Variants in LRP1B observed in about 807,000 individuals in gnomAD.
LRP1B encodes the protein LDL receptor related protein 1B.
Under a neutral mutation model 556.6 loss-of-function variants are expected in LRP1B, and 217 were observed. That is an observed-to-expected ratio of 0.39 (90% CI 0.35 to 0.44). The LOEUF is 0.44. Ranked by LOEUF, LRP1B falls within the 20% of genes least tolerant of loss-of-function variation. The pLI is 1.00. For synonymous variants in LRP1B, 2,047 were observed against 1,865.8 expected (o/e 1.10, Z -2.50); for missense variants, 5,053 against 5,620.8 (o/e 0.90, Z 3.23).
Position 141,926,929 on chromosome 2 carries a change from C to T in LRP1B, c.83-116528G>A, listed in dbSNP as rs548369271. On this transcript the variant is annotated intron_variant, in intron 1 of 90. Transcript: ENST00000389484. ...ATAAAGAATGTATGTACATATGATACAAAATTAGGTTCAGAATAATGGTCA... is the reference window on the plus strand; with the variant it reads ...ATAAAGAATGTATGTACATATGATATAAAATTAGGTTCAGAATAATGGTCA... 1.6e-3 allele frequency among the ~76,000 whole-genome samples: 249 copies of T among 152,082 alleles called. 2 individuals are homozygous for T. Among genetic ancestry groups the T allele is most frequent in the Non-Finnish European group, 2.8e-3 (192 of 67,946 alleles).
chr2:141,886,310 A>AT (rs1699109295), intron 1 of LRP1B, among the ~76,000 whole-genome samples: 1 of 152,176 alleles, frequency 6.6e-6, no homozygotes, highest in South Asian at 2.1e-4. Flanking sequence ...CAGAAAAAAA[A>AT]GCCAAACATG....
chr2:140,741,364 A>T (rs1302521345), intron 35 of LRP1B, among the ~76,000 whole-genome samples: 3 of 152,192 alleles, frequency 2.0e-5, no homozygotes, highest in African/African-American at 7.2e-5. Flanking sequence ...TAATAACTGA[A>T]CAGAAACACT....
chr2:141,521,806 T>G (rs1684537970), intron 2 of LRP1B, among the ~76,000 whole-genome samples: 1 of 152,092 alleles, frequency 6.6e-6, no homozygotes, highest in African/African-American at 2.4e-5. Context: ...CTGGATTCTA[T>G]TAAGGACAAA....
At chr2:141,841,319 T>A (rs1325869679) in intron 1 of LRP1B, among the ~76,000 whole-genome samples, 2 of 152,174 alleles carry the variant, frequency 1.3e-5, no homozygotes, top group Admixed American at 6.5e-5. Flanking sequence ...GCCTTATTTT[T>A]AAAAACATAA....
rs61643665 is a variant in LRP1B at position 141,916,348 on chromosome 2, CTTAT to C, written c.83-105951_83-105948del. Among the ~76,000 whole-genome samples the C allele has an allele frequency of 5.9e-4, 84 of 141,894 alleles. No individual in the cohort carries two copies. The South Asian group carries it at 8.9e-3, about 15-fold the overall frequency. The allele number at this position is 141,894 out of a possible 152,430, so 93.1% of individuals were successfully genotyped here. ...GAAAACCAAATACCACACGTTTTCA[CTTAT>C]TTATTTATTTATTTATTTATTTATT... is the stretch of plus-strand genomic sequence containing the variant. On this transcript the variant is annotated intron_variant, in intron 1 of 90. Transcript: ENST00000389484.
chr2:141,956,591 C>T (rs368722855), intron 1 of LRP1B, among the ~76,000 whole-genome samples: 10 of 142,594 alleles, frequency 7.0e-5, no homozygotes, highest in South Asian at 4.4e-4. Flanking sequence ...ATATTAACGC[C>T]GTGAAATTTA....
chr2:140,756,750 T>C (rs1373185700), intron 35 of LRP1B, among the ~76,000 whole-genome samples: 1 of 152,158 alleles, frequency 6.6e-6, no homozygotes, highest in Admixed American at 6.5e-5. Flanking sequence ...TTAGTATCTT[T>C]GGATTAGGCA....
chr2:140,879,966 A>G (rs1375316408), intron 25 of LRP1B, among the ~76,000 whole-genome samples: 2 of 151,020 alleles, frequency 1.3e-5, no homozygotes, highest in African/African-American at 4.8e-5. Flanking sequence ...AAAAAAAAAG[A>G]GGTTACTTAT....
intron 3 of LRP1B, among the ~76,000 whole-genome samples, chr2:141,341,378 T>A (rs1278737286): frequency 6.6e-6 from 1 of 152,208 alleles, no homozygotes; most frequent in African/African-American, 2.4e-5. Context: ...ATTTTACGCA[T>A]ACACACATTT....
intron 11 of LRP1B, among the ~76,000 whole-genome samples, chr2:141,022,141 A>G (rs1402866656): frequency 6.6e-6 from 1 of 151,684 alleles, no homozygotes; most frequent in African/African-American, 2.4e-5. Flanking sequence ...CATATACTAA[A>G]TAATATATAA....
chr2:142,030,163 G>A (rs1199889236), intron 1 of LRP1B, among the ~76,000 whole-genome samples: 1 of 151,660 alleles, frequency 6.6e-6, no homozygotes, highest in Non-Finnish European at 1.5e-5. Flanking sequence ...TAAGCTCCTA[G>A]AGGGCAGTGA....
chr2:141,899,416 G>T (rs961503653), intron 1 of LRP1B, among the ~76,000 whole-genome samples: 2 of 152,114 alleles, frequency 1.3e-5, no homozygotes, highest in African/African-American at 4.8e-5. Flanking sequence ...CAGGCAGTTG[G>T]AATCATACAC....
intron 48 of LRP1B, 98 bp downstream of exon 48, chr2:140,526,139 C>T (rs1690423326): frequency 7.3e-7 from 1 of 1,378,682 alleles, no homozygotes; most frequent in Non-Finnish European, 1.0e-6. Flanking sequence ...TAATTACATA[C>T]CAATTTTGGA....
At chr2:141,040,300 G>A (rs1698659347) in intron 11 of LRP1B, among the ~76,000 whole-genome samples, 1 of 151,964 alleles carries the variant, frequency 6.6e-6, no homozygotes, top group Non-Finnish European at 1.5e-5. Context: ...TGTTTTATAA[G>A]ACATTATCAC....
chr2:140,782,087 T>C (rs1689720048), intron 32 of LRP1B, among the ~76,000 whole-genome samples: 1 of 152,206 alleles, frequency 6.6e-6, no homozygotes. Flanking sequence ...GTTATTGACA[T>C]GAAGATGTTC....
intron 2 of LRP1B, among the ~76,000 whole-genome samples, chr2:141,571,231 C>T (rs531005784): frequency 6.6e-6 from 1 of 150,870 alleles, no homozygotes; most frequent in Non-Finnish European, 1.5e-5. Flanking sequence ...TTCTCCAGCC[C>T]GCTTGAGTGA....
At position 141,965,771 on chromosome 2, in the gene LRP1B, T is replaced by TA. The variant is rs1553492973; in HGVS notation, c.83-155371dup. On this transcript the variant is annotated intron_variant, in intron 1 of 90. Coordinates refer to ENST00000389484, the MANE Select transcript of LRP1B (RefSeq NM_018557.3). ...TTAAAAAAAATAATAATAATAGTAA[T>TA]AATAAATAAATAAATAAATATGTAT... Among the ~76,000 whole-genome samples, 172 of 112,716 alleles carry TA rather than the reference T, an allele frequency of 1.5e-3. 2 individuals carry two copies. In the East Asian group the frequency reaches 0.024, roughly 16 times the overall value. 73.9% of individuals were successfully genotyped at this position (112,716 alleles called of 152,430 possible).
intron 7 of LRP1B, among the ~76,000 whole-genome samples, chr2:141,150,336 T>C (rs1336077865): frequency 6.6e-6 from 1 of 152,212 alleles, no homozygotes; most frequent in African/African-American, 2.4e-5. Context: ...AGAATAACTA[T>C]ATTTCAGCAG....
intron 1 of LRP1B, among the ~76,000 whole-genome samples, chr2:141,975,892 G>C (rs781781055): frequency 6.6e-6 from 1 of 152,056 alleles, no homozygotes; most frequent in Non-Finnish European, 1.5e-5. Context: ...CAGTGAGTCA[G>C]GATATAATGC....
Sources: gnomAD v4.1 joint callset for allele counts (sites outside exome capture counted in the v4.1 genomes callset) on GRCh38, gnomAD v4.1.1 for gene constraint, MANE v1.5 for transcripts, NCBI Gene and HGNC (gene_info 2026-07-23, HGNC 2026-07-21) for gene names.